Variants in KLF12 observed in about 807,000 individuals in gnomAD.
KLF12 encodes the protein KLF transcription factor 12.
In KLF12, 9 loss-of-function variants were observed where a neutral mutation model predicts 37.8. That is an observed-to-expected ratio of 0.24 (90% CI 0.14 to 0.42). The LOEUF is 0.42. KLF12 is among the 10% of genes least tolerant of loss of function. The pLI, the probability that KLF12 is intolerant of heterozygous loss-of-function variation, is 1.00. For missense variants in KLF12, 411 were observed against 516.0 expected (o/e 0.80, Z 1.97); for synonymous variants, 208 against 202.1 (o/e 1.03, Z -0.25).
At chr13:73,926,486 G>A (rs1368790812) in intron 3 of KLF12, among the ~76,000 whole-genome samples, 3 of 151,966 alleles carry the variant, frequency 2.0e-5, no homozygotes, top group Non-Finnish European at 1.5e-5. Context: ...AGTTTAATAT[G>A]TACTAGGAAA....
At chr13:73,778,069 G>A (rs1378698486) in intron 5 of KLF12, among the ~76,000 whole-genome samples, 2 of 151,808 alleles carry the variant, frequency 1.3e-5, no homozygotes, top group Non-Finnish European at 2.9e-5. Flanking sequence ...GGGAGGCAGA[G>A]GTTTCAGTGA....
Position 73,688,596 on chromosome 13 carries a change from G to C in KLF12, c.*6894C>G, listed in dbSNP as rs1226484938. On this transcript the variant is annotated 3_prime_UTR_variant, in exon 8 of 8. Coordinates refer to ENST00000377669, the MANE Select transcript of KLF12 (RefSeq NM_007249.5). ...GTATTTGGATGATTTTGGAGCTCCAGGCCAGACATTTATGAGAAAAGTGAC... is the reference window on the plus strand; with the variant it reads ...GTATTTGGATGATTTTGGAGCTCCACGCCAGACATTTATGAGAAAAGTGAC... The C allele has an allele frequency of 6.6e-6, 1 of 152,172 alleles. No individual in the cohort carries two copies. Among genetic ancestry groups the C allele is most frequent in the Non-Finnish European group, 1.5e-5 (1 of 68,042 alleles). The allele number at this position is 152,172 out of a possible 1,614,324, so 9.4% of individuals were successfully genotyped here.
chr13:73,950,904 C>A (rs17061720), intron 2 of KLF12, among the ~76,000 whole-genome samples: 2,667 of 152,208 alleles, frequency 0.018, 65 homozygotes, highest in African/African-American at 0.061. Context: ...GACCTACCCA[C>A]AACAGTCCAG....
chr13:74,294,031 T>C, the KLF12 span, among the ~76,000 whole-genome samples: 1 of 152,166 alleles, frequency 6.6e-6, no homozygotes. Context: ...GTATCTACAA[T>C]CACTAAGCCG....
intron 1 of KLF12, among the ~76,000 whole-genome samples, chr13:74,052,603 T>C (rs1374033011): frequency 6.6e-6 from 1 of 152,140 alleles, no homozygotes; most frequent in East Asian, 1.9e-4. Context: ...ACATGACACA[T>C]GATTCAAAGG....
chr13:74,278,800 T>C, the KLF12 span, among the ~76,000 whole-genome samples: 1 of 152,214 alleles, frequency 6.6e-6, no homozygotes, highest in Non-Finnish European at 1.5e-5. Flanking sequence ...TAGCATCTAT[T>C]AGTTTCAGGC....
chr13:73,705,532 CA>C (rs1464858622), intron 7 of KLF12, among the ~76,000 whole-genome samples: 3 of 152,192 alleles, frequency 2.0e-5, no homozygotes, highest in African/African-American at 7.2e-5. Flanking sequence ...GTCAGCCTCC[CA>C]AAGAGCTAGG....
chr13:73,738,411 C>T (rs1877691473), intron 6 of KLF12, among the ~76,000 whole-genome samples: 1 of 151,816 alleles, frequency 6.6e-6, no homozygotes, highest in African/African-American at 2.4e-5. Context: ...CTCAGCCTCC[C>T]AAAGTGTTTG....
intron 1 of KLF12, among the ~76,000 whole-genome samples, chr13:74,063,636 G>A (rs1873739482): frequency 6.6e-6 from 1 of 152,116 alleles, no homozygotes; most frequent in Non-Finnish European, 1.5e-5. Context: ...TAAAATGACA[G>A]GGGGCCTTTA....
chr13:73,926,715 A>G (rs542575221), intron 3 of KLF12, among the ~76,000 whole-genome samples: 1 of 151,874 alleles, frequency 6.6e-6, no homozygotes, highest in East Asian at 1.9e-4. Flanking sequence ...ACTCTAACAC[A>G]TGGTTTTTAG....
At chr13:74,260,746 A>G in the KLF12 span, among the ~76,000 whole-genome samples, 4 of 151,996 alleles carry the variant, frequency 2.6e-5, no homozygotes, top group Admixed American at 2.0e-4. Flanking sequence ...CATAGACACT[A>G]ATTGTAAATG....
At chr13:74,142,828 G>C in the KLF12 span, among the ~76,000 whole-genome samples, 1 of 152,262 alleles carries the variant, frequency 6.6e-6, no homozygotes, top group Middle Eastern at 3.4e-3. Context: ...TATGTACTCA[G>C]TTAATTTAAT....
chr13:74,235,954 T>A, the KLF12 span, among the ~76,000 whole-genome samples: 261 of 151,778 alleles, frequency 1.7e-3, no homozygotes, highest in African/African-American at 5.7e-3. Context: ...TTTTATTTTT[T>A]TTTATTATAC....
intron 6 of KLF12, among the ~76,000 whole-genome samples, chr13:73,746,143 T>C (rs762255788): frequency 5.3e-5 from 8 of 151,982 alleles, no homozygotes; most frequent in Non-Finnish European, 1.2e-4. Flanking sequence ...ATGCAGGGAC[T>C]ATATTAATTC....
the KLF12 span, among the ~76,000 whole-genome samples, chr13:74,305,428 A>G: frequency 6.6e-6 from 1 of 152,034 alleles, no homozygotes; most frequent in Non-Finnish European, 1.5e-5. Flanking sequence ...GTCACTACAT[A>G]TTTAGTTGTT....
At chr13:73,890,725 A>AT (rs1887465470) in intron 3 of KLF12, among the ~76,000 whole-genome samples, 1 of 152,080 alleles carries the variant, frequency 6.6e-6, no homozygotes, top group South Asian at 2.1e-4. Context: ...TTAAAAAAAA[A>AT]AAATAAAAGA....
intron 3 of KLF12, among the ~76,000 whole-genome samples, chr13:73,899,615 G>A (rs1343107105): frequency 6.6e-6 from 1 of 152,066 alleles, no homozygotes; most frequent in African/African-American, 2.4e-5. Context: ...GGACTGAGAA[G>A]GAAGATCCGC....
chr13:74,115,849 G>A (rs952973100), intron 1 of KLF12, among the ~76,000 whole-genome samples: 5 of 152,116 alleles, frequency 3.3e-5, no homozygotes, highest in African/African-American at 1.2e-4. Flanking sequence ...CGCTTGTAAG[G>A]ACACTTGTCA....
intron 5 of KLF12, among the ~76,000 whole-genome samples, chr13:73,778,166 A>T (rs1407178807): frequency 1.3e-5 from 2 of 152,080 alleles, no homozygotes; most frequent in Non-Finnish European, 2.9e-5. Context: ...ACAAAACAAA[A>T]GCCATAATTT....
Sources: gnomAD v4.1 joint callset for allele counts (sites outside exome capture counted in the v4.1 genomes callset) on GRCh38, gnomAD v4.1.1 for gene constraint, MANE v1.5 for transcripts, NCBI Gene and HGNC (gene_info 2026-07-23, HGNC 2026-07-21) for gene names.